The following ADAMTS18 variants were observed in gnomAD, a reference collection of about 807,000 sequenced individuals.
The protein encoded by ADAMTS18 is A disintegrin and metalloproteinase with thrombospondin motifs 18.
In ADAMTS18, 157 loss-of-function variants were observed where a neutral mutation model predicts 165.9. The ratio of observed to expected loss-of-function variants is 0.95; its 90% CI spans 0.83 to 1.08. The LOEUF (loss-of-function observed/expected upper bound fraction) is 1.08. ADAMTS18 is among the 50% of genes least tolerant of loss of function. The probability of loss-of-function intolerance (pLI) is 0.00; values close to 1 mark genes in which losing one functional copy is unlikely to be tolerated. For missense variants in ADAMTS18, 2,040 were observed against 1,534.0 expected, an observed-to-expected ratio of 1.33 and a Z score of -5.51; for synonymous variants, 782 against 578.2, an observed-to-expected ratio of 1.35 and a Z score of -5.06.
rs78565819 is a variant in ADAMTS18 at position 77,303,266 on chromosome 16, T to C, written c.2533-2862A>G. On this transcript the variant is annotated intron_variant, in intron 16 of 22. Coordinates refer to ENST00000282849, the MANE Select transcript of ADAMTS18 (RefSeq NM_199355.4). Reference sequence around the variant, plus strand: ...GCCTTTTAATTTAAATAACCATGTGTGACTAATGGCTACCATACTGGATGC... The same window carrying C: ...GCCTTTTAATTTAAATAACCATGTGCGACTAATGGCTACCATACTGGATGC... Among the ~76,000 whole-genome samples the C allele has an allele frequency of 5.4e-3, 822 of 152,266 alleles. 4 individuals are homozygous for C. The highest frequency in any genetic ancestry group is 6.7e-3 in the Non-Finnish European group (459 of 68,016).
At chr16:77,300,233 C>T in intron 17 of ADAMTS18, 30 bp downstream of exon 17, 1 of 1,613,690 alleles carries the variant, frequency 6.2e-7, no homozygotes, top group Non-Finnish European at 8.5e-7. Context: ...GAGAGACAGA[C>T]TTTGGAGACA....
At chr16:77,291,771 C>G (rs1275446725) in intron 20 of ADAMTS18, among the ~76,000 whole-genome samples, 1 of 152,094 alleles carries the variant, frequency 6.6e-6, no homozygotes, top group Admixed American at 6.6e-5. Context: ...GAGATGGAGT[C>G]CAGGAGAAAG....
chr16:77,388,053 G>C (rs921286864), intron 3 of ADAMTS18, among the ~76,000 whole-genome samples: 4 of 152,168 alleles, frequency 2.6e-5, no homozygotes, highest in African/African-American at 9.7e-5. Flanking sequence ...TTCTCTGGTA[G>C]AAGCTGTAGG....
intron 13 of ADAMTS18, among the ~76,000 whole-genome samples, chr16:77,322,976 G>A (rs1022680905): frequency 3.3e-5 from 5 of 152,074 alleles, no homozygotes; most frequent in African/African-American, 9.7e-5. Flanking sequence ...AAAGGCATAC[G>A]GTTAGTCATG....
Position 77,382,400 on chromosome 16 carries a change from C to T in ADAMTS18, c.496-14677G>A, listed in dbSNP as rs995965310. Among the ~76,000 whole-genome samples the T allele has an allele frequency of 8.5e-5, 13 of 152,056 alleles. No individual in the cohort carries two copies. The South Asian group carries it at 1.9e-3, about 22-fold the overall frequency. ...TAATTTTTTGTATTTTTAGTAGAGACGGGGTTTCACCGTGTTAGCCAGGAT... is the reference window on the plus strand; with the variant it reads ...TAATTTTTTGTATTTTTAGTAGAGATGGGGTTTCACCGTGTTAGCCAGGAT... On this transcript the variant is annotated intron_variant, in intron 3 of 22. Transcript: ENST00000282849.
intron 9 of ADAMTS18, 139 bp downstream of exon 9, chr16:77,355,801 T>C (rs1028982924): frequency 1.8e-5 from 19 of 1,043,460 alleles, no homozygotes; most frequent in Middle Eastern, 3.0e-4. Flanking sequence ...ATCACCATCA[T>C]CATTATCATC....
At chr16:77,419,538 A>G (rs1420729374) in intron 3 of ADAMTS18, among the ~76,000 whole-genome samples, 1 of 152,134 alleles carries the variant, frequency 6.6e-6, no homozygotes, top group Non-Finnish European at 1.5e-5. Context: ...TCTGGACCCA[A>G]TCAAATTTAA....
At chr16:77,417,304 G>A in intron 3 of ADAMTS18, among the ~76,000 whole-genome samples, 1 of 152,040 alleles carries the variant, frequency 6.6e-6, no homozygotes, top group African/African-American at 2.4e-5. Context: ...GTGTGTGGGT[G>A]GATGGATGGG....
At chr16:77,368,935 C>T (rs778128255) in intron 3 of ADAMTS18, among the ~76,000 whole-genome samples, 35 of 152,286 alleles carry the variant, frequency 2.3e-4, no homozygotes, top group Admixed American at 3.9e-4. Flanking sequence ...TGGATATCTT[C>T]GTACCTGATT....
chr16:77,306,792 A>G (rs910316593), intron 16 of ADAMTS18, among the ~76,000 whole-genome samples: 8 of 152,198 alleles, frequency 5.3e-5, no homozygotes, highest in African/African-American at 1.4e-4. Flanking sequence ...AGAAGGTGCT[A>G]TTAATTCCAA....
At chr16:77,385,093 G>A (rs994498767) in intron 3 of ADAMTS18, among the ~76,000 whole-genome samples, 1 of 151,960 alleles carries the variant, frequency 6.6e-6, no homozygotes, top group African/African-American at 2.4e-5. Flanking sequence ...ATTTTCAGTA[G>A]AGACAGGGTT....
At chr16:77,434,178 A>T (rs1326893514) in intron 2 of ADAMTS18, among the ~76,000 whole-genome samples, 2 of 151,922 alleles carry the variant, frequency 1.3e-5, no homozygotes, top group Non-Finnish European at 2.9e-5. Flanking sequence ...TCTTCTTAAC[A>T]AGCCACCTGT....
intron 3 of ADAMTS18, among the ~76,000 whole-genome samples, chr16:77,368,773 A>G (rs2056835716): frequency 6.6e-6 from 1 of 152,184 alleles, no homozygotes; most frequent in Non-Finnish European, 1.5e-5. Context: ...TGGCAGAGAA[A>G]GGCATGAGTG....
chr16:77,335,873 C>T lies in ADAMTS18; in HGVS notation c.1742G>A (p.Gly581Glu). 6.2e-7 allele frequency: 1 copy of T among 1,614,156 alleles called. No homozygotes were observed. The highest frequency in any genetic ancestry group is 1.7e-4 in the Middle Eastern group (1 of 6,060). Residue 581 changes from glycine to glutamate, a missense_variant, in exon 12 of 23, where the codon GGG (glycine) becomes GAG (glutamate). Physicochemically the swap from Gly to Glu is moderately conservative, Grantham distance 98 (BLOSUM62 -2). Transcript: ENST00000282849. ...GTGGATGGGCCGGGGCCCGAGCTCC[C>T]CAAACTTTACGCACTGGCCTTGCCG... ...WCRQGQCVKFGELGPRPIHGQ... is the reference protein window; with the variant it reads ...WCRQGQCVKFEELGPRPIHGQ...
intron 16 of ADAMTS18, among the ~76,000 whole-genome samples, chr16:77,312,024 A>G (rs187575148): frequency 6.6e-6 from 1 of 152,318 alleles, no homozygotes; most frequent in East Asian, 1.9e-4. Context: ...AACATATTAT[A>G]CATATCCAAT....
chr16:77,325,508 T>C (rs1460940397), intron 13 of ADAMTS18, among the ~76,000 whole-genome samples: 2 of 151,948 alleles, frequency 1.3e-5, no homozygotes, highest in Admixed American at 6.6e-5. Flanking sequence ...CTATGGGGTA[T>C]ATATGGTTTC....
chr16:77,331,939 A>C (rs569920485), intron 12 of ADAMTS18, among the ~76,000 whole-genome samples: 6 of 152,302 alleles, frequency 3.9e-5, no homozygotes, highest in Non-Finnish European at 8.8e-5. Flanking sequence ...ATGAAGTACC[A>C]TTCATCTTTT....
intron 12 of ADAMTS18, among the ~76,000 whole-genome samples, chr16:77,330,662 A>G (rs2056173461): frequency 6.6e-6 from 1 of 152,246 alleles, no homozygotes; most frequent in Admixed American, 6.5e-5. Flanking sequence ...TACCACTTAC[A>G]TGGGACAAAG....
chr16:77,431,628 T>C lies in ADAMTS18; in HGVS notation c.179-17A>G, dbSNP rs2057742274. The C allele has an allele frequency of 1.2e-6, 2 of 1,612,784 alleles. No individual in the cohort carries two copies. Among genetic ancestry groups the C allele is most frequent in the East Asian group, 2.2e-5 (1 of 44,872 alleles). On this transcript the variant is annotated splice_polypyrimidine_tract_variant and intron_variant, in intron 2 of 22. Transcript: ENST00000282849. ...AGACGTAATCTGCAATGGGAAAAGT[T>C]CAGCTGTCAGCACCCAGAGCCCACA...
Sources: allele counts gnomAD v4.1 joint callset (sites outside exome capture counted in the v4.1 genomes callset), GRCh38; gene constraint gnomAD v4.1.1; transcripts MANE v1.5; gene names NCBI Gene and HGNC (gene_info 2026-07-23, HGNC 2026-07-21).